The following ERI1 variants were observed in gnomAD, a reference collection of about 807,000 sequenced individuals.
The protein encoded by ERI1 is exoribonuclease 1.
Under a neutral mutation model 39.7 loss-of-function variants are expected in ERI1, and 39 were observed. The observed-to-expected ratio is 0.98, with a 90% CI of 0.76 to 1.28. The LOEUF (loss-of-function observed/expected upper bound fraction) is 1.28, where lower values mean the gene tolerates loss of function less well. Ranked by LOEUF, ERI1 falls within the 50% of genes most tolerant of loss-of-function variation. The probability of loss-of-function intolerance (pLI) is 0.00; values close to 1 mark genes in which losing one functional copy is unlikely to be tolerated. For missense variants in ERI1, 581 were observed against 416.9 expected (o/e 1.39, Z -3.43); for synonymous variants, 204 against 149.6 (o/e 1.36, Z -2.65).
chr8:9,037,667 G>A (rs76377676), downstream of ERI1, among the ~76,000 whole-genome samples: 3,338 of 152,116 alleles, frequency 0.022, 131 homozygotes, highest in East Asian at 0.19. Context: ...AAAAGGTAGC[G>A]TAAGTCCTGA....
chr8:9,098,551 G>A (rs1799948927), intron 3 of ERI1, among the ~76,000 whole-genome samples: 1 of 152,024 alleles, frequency 6.6e-6, no homozygotes, highest in Non-Finnish European at 1.5e-5. Flanking sequence ...AGGATACAGT[G>A]GGCTTTGGGG....
At chr8:9,010,578 T>A (rs1204747502) in intron 2 of ERI1, among the ~76,000 whole-genome samples, 1 of 151,748 alleles carries the variant, frequency 6.6e-6, no homozygotes, top group Non-Finnish European at 1.5e-5. Context: ...AGGTTTTTTT[T>A]AAATAGTCAT....
At position 9,003,085 on chromosome 8, in the gene ERI1, G is replaced by A. The variant is rs1036766746; in HGVS notation, c.22G>A (p.Glu8Lys). 3 of 1,248,194 alleles carry A rather than the reference G, an allele frequency of 2.4e-6. No individual in the cohort carries two copies. Among genetic ancestry groups the A allele is most frequent in the Non-Finnish European group, 3.0e-6 (3 of 989,166 alleles). The allele number at this position is 1,248,194 out of a possible 1,614,324, so 77.3% of individuals were successfully genotyped here. A position where few individuals can be genotyped will look rare whatever the true frequency, so the allele number is the denominator to read the frequency against. Residue 8 changes from glutamate to lysine, a missense_variant, in exon 1 of 7, where the codon GAG (glutamate) becomes AAG (lysine). By Grantham distance (56) the Glu-to-Lys change is moderately conservative. Coordinates refer to ENST00000250263, the MANE Select transcript of ERI1 (RefSeq NM_153332.4). ...CGGCATGGAGGATCCACAGAGTAAAGAGCCTGCCGGCGAGGCCGTGGCTCT... is the reference window on the plus strand; with the variant it reads ...CGGCATGGAGGATCCACAGAGTAAAAAGCCTGCCGGCGAGGCCGTGGCTCT... MEDPQSK[E>K]PAGEAVALAL...
At chr8:9,075,276 G>A (rs1163057409) in intron 3 of ERI1, among the ~76,000 whole-genome samples, 2 of 152,112 alleles carry the variant, frequency 1.3e-5, no homozygotes, top group African/African-American at 2.4e-5. Context: ...CACACAAAGC[G>A]AAAACCCAGT....
At chr8:9,089,606 C>T (rs905622220) in intron 3 of ERI1, among the ~76,000 whole-genome samples, 1 of 152,182 alleles carries the variant, frequency 6.6e-6, no homozygotes, top group African/African-American at 2.4e-5. Context: ...AGACTCCTGG[C>T]TCTACCTTCA....
At chr8:9,006,492 G>T (rs2117176582) in intron 1 of ERI1, among the ~76,000 whole-genome samples, 1 of 152,300 alleles carries the variant, frequency 6.6e-6, no homozygotes, top group East Asian at 1.9e-4. Flanking sequence ...TAGACAAACT[G>T]TTACTTAATG....
intron 3 of ERI1, among the ~76,000 whole-genome samples, chr8:9,067,179 A>C (rs1798904772): frequency 6.6e-6 from 1 of 152,146 alleles, no homozygotes; most frequent in South Asian, 2.1e-4. Flanking sequence ...AGCCCCCATT[A>C]TTGATTTAGC....
chr8:9,025,015 G>A lies in ERI1; in HGVS notation c.807+4551G>A, dbSNP rs372840022. Among the ~76,000 whole-genome samples the A allele has an allele frequency of 1.3e-4, 20 of 152,254 alleles. 1 individual carries two copies. The South Asian group carries it at 4.1e-3, about 32-fold the overall frequency. Reference sequence around the variant, plus strand: ...TGTTACTGCTTTCAAATGAATGACAGGATACTTTGCAGAAATCCACAACTT... The same window carrying A: ...TGTTACTGCTTTCAAATGAATGACAAGATACTTTGCAGAAATCCACAACTT... On this transcript the variant is annotated intron_variant, in intron 6 of 6. Coordinates refer to ENST00000250263, the MANE Select transcript of ERI1 (RefSeq NM_153332.4).
intron 3 of ERI1, among the ~76,000 whole-genome samples, chr8:9,097,477 T>A (rs960984860): frequency 6.6e-6 from 1 of 152,086 alleles, no homozygotes; most frequent in African/African-American, 2.4e-5. Context: ...GAGACCAGCC[T>A]GGCCAACATG....
chr8:9,016,214 C>G (rs545850596), intron 3 of ERI1, 108 bp from the exon 4 acceptor site: 2 of 517,754 alleles, frequency 3.9e-6, no homozygotes, highest in Non-Finnish European at 3.5e-6. Context: ...GGGTTTATGC[C>G]GTGAGATCCT....
At chr8:9,071,050 G>T (rs1799032552) in intron 3 of ERI1, among the ~76,000 whole-genome samples, 1 of 152,130 alleles carries the variant, frequency 6.6e-6, no homozygotes, top group South Asian at 2.1e-4. Context: ...TTGGTCTGTT[G>T]ATTTCCAGTT....
downstream of ERI1, among the ~76,000 whole-genome samples, chr8:9,034,814 A>G (rs1797789991): frequency 6.6e-6 from 1 of 152,182 alleles, no homozygotes; most frequent in South Asian, 2.1e-4. Flanking sequence ...GCTGAAAGCT[A>G]TGCCTTTTGA....
downstream of ERI1, among the ~76,000 whole-genome samples, chr8:9,033,559 C>T (rs1231036402): frequency 1.1e-5 from 1 of 87,816 alleles, no homozygotes; most frequent in Non-Finnish European, 2.4e-5. Flanking sequence ...GAGCGTAGAG[C>T]TGAATGTTAA....
chr8:9,018,213 C>G, intron 4 of ERI1, 84 bp from the exon 5 acceptor site: 1 of 665,734 alleles, frequency 1.5e-6, no homozygotes, highest in South Asian at 2.1e-5. Flanking sequence ...CTGTTTCTTC[C>G]CCTCCAACTT....
At chr8:9,045,327 T>G (rs1798142430) in intron 3 of ERI1, among the ~76,000 whole-genome samples, 2 of 151,668 alleles carry the variant, frequency 1.3e-5, no homozygotes, top group Admixed American at 6.6e-5. Context: ...CAGCCAGTGC[T>G]CTGTAGGGTA....
chr8:9,021,774 G>GT (rs200507835), intron 6 of ERI1, among the ~76,000 whole-genome samples: 7,184 of 88,154 alleles, frequency 0.081, 237 homozygotes, highest in African/African-American at 0.12. Context: ...TGTTTTTTTT[G>GT]TTTTTTTTTT....
At chr8:9,060,349 T>C (rs887804459) in intron 3 of ERI1, among the ~76,000 whole-genome samples, 5 of 152,020 alleles carry the variant, frequency 3.3e-5, no homozygotes, top group African/African-American at 1.2e-4. Flanking sequence ...CTAAGAGATA[T>C]TTTAGTTTTC....
At position 9,003,052 on chromosome 8, in the gene ERI1, G is replaced by A; in HGVS notation, c.-12G>A. 4.0e-6 allele frequency: 5 copies of A among 1,245,120 alleles called. No individual in the cohort carries two copies. Among genetic ancestry groups the A allele is most frequent in the Non-Finnish European group, 5.1e-6 (5 of 986,088 alleles). The allele number at this position is 1,245,120 out of a possible 1,614,324, so 77.1% of individuals were successfully genotyped here. A position where few individuals can be genotyped will look rare whatever the true frequency, so the allele number is the denominator to read the frequency against. On this transcript the variant is annotated 5_prime_UTR_variant, in exon 1 of 7. It adds an upstream start codon to the 5' untranslated region. Transcript: ENST00000250263. ...CCGGCTCCAGCAACTCTCCTCTGGC[G>A]TGACAGCCGGCATGGAGGATCCACA...
chr8:9,041,869 G>A (rs1055976102), intron 3 of ERI1, among the ~76,000 whole-genome samples: 6 of 152,084 alleles, frequency 3.9e-5, no homozygotes, highest in African/African-American at 1.4e-4. Context: ...CGAGTAGCTG[G>A]GAATACAGGC....
Sources: allele counts gnomAD v4.1 joint callset (sites outside exome capture counted in the v4.1 genomes callset), GRCh38; gene constraint gnomAD v4.1.1; transcripts MANE v1.5; gene names NCBI Gene and HGNC (gene_info 2026-07-23, HGNC 2026-07-21).